SPTBN1: variants seen among roughly 807,000 people sequenced by gnomAD.
SPTBN1 encodes spectrin beta, non-erythrocytic 1.
Under a neutral mutation model 266.4 loss-of-function variants are expected in SPTBN1, and 32 were observed. The ratio of observed to expected loss-of-function variants is 0.12; its 90% confidence interval spans 0.09 to 0.16. The LOEUF (loss-of-function observed/expected upper bound fraction) is 0.16, where lower values mean the gene tolerates loss of function less well. Among genes scored for constraint, SPTBN1 ranks in the 10% least tolerant of loss-of-function variants. The pLI, the probability that SPTBN1 is intolerant of heterozygous loss-of-function variation, is 1.00. For synonymous variants in SPTBN1, 1,336 were observed against 1,162.2 expected (o/e 1.15, Z -3.04); for missense variants, 2,296 against 3,067.1 (o/e 0.75, Z 5.94).
rs142794785 is a variant in SPTBN1, at chr2:54,604,613, T to A, written c.300+5370T>A. Among the ~76,000 whole-genome samples the A allele has an allele frequency of 1.6e-3, 241 of 152,314 alleles. 1 individual carries two copies. The highest frequency in any genetic ancestry group is 3.5e-3 in the Admixed American group (54 of 15,302). On this transcript the variant is annotated intron_variant, in intron 3 of 35. Transcript: ENST00000356805. ...CTTAGGCAGGGCCTGGACTGGACTC[T>A]AATAAGCAATTAGAATTATGTTGTC...
rs990103344 is a variant in SPTBN1 at position 54,597,820 on chromosome 2, C to T, written c.149-1272C>T. 3.3e-5 allele frequency among the ~76,000 whole-genome samples: 5 copies of T among 151,248 alleles called. No homozygotes were observed. The South Asian group carries it at 8.3e-4, about 25-fold the overall frequency. On this transcript the variant is annotated intron_variant, in intron 2 of 35. Transcript: ENST00000356805. ...CAAGGGTGGCTTTTTAGTTGTTACC[C>T]CCACCCAGTGGTTTTGAAATACATG...
At chr2:54,518,278 G>A (rs1670227437) in intron 1 of SPTBN1, among the ~76,000 whole-genome samples, 2 of 151,688 alleles carry the variant, frequency 1.3e-5, no homozygotes, top group Admixed American at 1.3e-4. Flanking sequence ...CACAGGGCGG[G>A]GAACATCACA....
Position 54,649,470 on chromosome 2 carries a change from G to A in SPTBN1, c.5203-145G>A, listed in dbSNP as rs770165587. On this transcript the variant is annotated intron_variant, in intron 25 of 35. Coordinates refer to ENST00000356805, the MANE Select transcript of SPTBN1 (RefSeq NM_003128.3). The surrounding 1 kb of genome is among the most constrained non-coding windows in gnomAD (Gnocchi z 6.7). ...GAAACCCAGTTGCTAAGAGGTTCTCGAGCTAAGATCTATTGTTCTGAAGTC... is the reference window on the plus strand; with the variant it reads ...GAAACCCAGTTGCTAAGAGGTTCTCAAGCTAAGATCTATTGTTCTGAAGTC... The A allele has an allele frequency of 1.5e-5, 20 of 1,317,970 alleles. No individual in the cohort carries two copies. The highest frequency in any genetic ancestry group is 4.5e-5 in the African/African-American group (3 of 67,114). 81.6% of individuals were successfully genotyped at this position (1,317,970 alleles called of 1,614,324 possible).
intron 2 of SPTBN1, among the ~76,000 whole-genome samples, chr2:54,555,617 A>G (rs1043962287): frequency 2.0e-5 from 3 of 152,120 alleles, no homozygotes; most frequent in African/African-American, 7.2e-5. Context: ...AATCATCTCT[A>G]GAGTCCAGCC....
chr2:54,599,942 A>T (rs4444573), intron 3 of SPTBN1, among the ~76,000 whole-genome samples: 2 of 152,104 alleles, frequency 1.3e-5, no homozygotes, highest in African/African-American at 2.4e-5. Context: ...GTTTTGTCTC[A>T]CCTTGGTTTG....
chr2:54,505,952 A>G (rs1410177488), intron 1 of SPTBN1, among the ~76,000 whole-genome samples: 4 of 151,754 alleles, frequency 2.6e-5, no homozygotes, highest in Non-Finnish European at 5.9e-5. Flanking sequence ...GTGAAACCCC[A>G]TCTCTACTAA....
intron 2 of SPTBN1, among the ~76,000 whole-genome samples, chr2:54,563,590 A>ATT (rs1673465104): frequency 1.2e-5 from 1 of 84,848 alleles, no homozygotes; most frequent in African/African-American, 4.4e-5. Flanking sequence ...AAGAAAATTT[A>ATT]TTCTTTTTTT....
Position 54,629,163 on chromosome 2 carries a change from C to T in SPTBN1, c.2029C>T (p.Leu677Phe). The change falls in exon 14 of 36, where the codon CTC becomes TTC. Residue 677 changes from leucine (L) to phenylalanine (F), a missense_variant. Coordinates refer to ENST00000356805, the MANE Select transcript of SPTBN1 (RefSeq NM_003128.3). ...GKDLTSVMRL[L>F]SKHRAFEDEM... The stretch of plus-strand genomic sequence containing the variant: ...AGACCTGACCAGCGTCATGCGCCTG[C>T]TCAGCAAGCACCGGGCGTTCGAGGA... 6.2e-7 allele frequency: 1 copy of T among 1,613,614 alleles called. No individual in the cohort carries two copies. Among genetic ancestry groups the T allele is most frequent in the Non-Finnish European group, 8.5e-7 (1 of 1,179,926 alleles).
chr2:54,518,567 T>G (rs1670251152), intron 1 of SPTBN1, among the ~76,000 whole-genome samples: 1 of 152,126 alleles, frequency 6.6e-6, no homozygotes, highest in Admixed American at 6.5e-5. Flanking sequence ...TTTGGTGCCT[T>G]CAGAGTCCTT....
intron 1 of SPTBN1, among the ~76,000 whole-genome samples, chr2:54,489,941 G>A (rs865917749): frequency 2.6e-5 from 4 of 152,176 alleles, no homozygotes; most frequent in South Asian, 2.1e-4. Flanking sequence ...AGCCTAAAAT[G>A]TTTGTAATTC....
chr2:54,623,286 A>T (rs1678111567), intron 9 of SPTBN1, among the ~76,000 whole-genome samples, 193 bp from the exon 10 acceptor site: 2 of 152,216 alleles, frequency 1.3e-5, no homozygotes, highest in South Asian at 4.1e-4. Context: ...TCAAATATAA[A>T]TGTCAGCAAC....
chr2:54,574,895 T>G (rs1158747835), intron 2 of SPTBN1, among the ~76,000 whole-genome samples: 2 of 152,180 alleles, frequency 1.3e-5, no homozygotes, highest in Admixed American at 1.3e-4. Context: ...AACATATTAT[T>G]TATCCCTTCA....
intron 1 of SPTBN1, among the ~76,000 whole-genome samples, chr2:54,512,780 G>A (rs999281322): frequency 2.0e-5 from 3 of 152,184 alleles, no homozygotes; most frequent in Non-Finnish European, 4.4e-5. Context: ...GTAGGAAGAA[G>A]CACTATGTTT....
At chr2:54,503,054 C>T (rs2104134444) in intron 1 of SPTBN1, among the ~76,000 whole-genome samples, 1 of 152,334 alleles carries the variant, frequency 6.6e-6, no homozygotes, top group Middle Eastern at 3.4e-3. Flanking sequence ...GATTTTACAA[C>T]TGGGTACATT....
At chr2:54,517,645 T>G (rs1013300259) in intron 1 of SPTBN1, among the ~76,000 whole-genome samples, 1 of 144,260 alleles carries the variant, frequency 6.9e-6, no homozygotes. Context: ...CTATGGTGCC[T>G]TTTTTTTTTT....
At chr2:54,542,121 G>A (rs1671973702) in intron 2 of SPTBN1, among the ~76,000 whole-genome samples, 1 of 152,234 alleles carries the variant, frequency 6.6e-6, no homozygotes, top group Non-Finnish European at 1.5e-5. Flanking sequence ...TAAAATATTT[G>A]AGTACTTAAC....
At chr2:54,532,774 A>C (rs933879829) in intron 2 of SPTBN1, among the ~76,000 whole-genome samples, 5 of 152,234 alleles carry the variant, frequency 3.3e-5, no homozygotes, top group Non-Finnish European at 1.5e-5. Flanking sequence ...ATTTGAAGTA[A>C]AAAGAAAACA....
At chr2:54,654,203 G>A (rs534663982) in intron 27 of SPTBN1, among the ~76,000 whole-genome samples, 22 of 152,260 alleles carry the variant, frequency 1.4e-4, no homozygotes, top group Admixed American at 7.2e-4. Flanking sequence ...TAACTGCCCC[G>A]TCTTTGCAAT....
At chr2:54,570,762 T>G (rs1224695680) in intron 2 of SPTBN1, among the ~76,000 whole-genome samples, 2 of 152,222 alleles carry the variant, frequency 1.3e-5, no homozygotes, top group African/African-American at 4.8e-5. Flanking sequence ...GAATTATGTT[T>G]CTTAAGTAAG....
Sources: gnomAD v4.1 joint callset for allele counts (sites outside exome capture counted in the v4.1 genomes callset) on GRCh38, gnomAD v4.1.1 for gene constraint, Gnocchi (gnomAD v3.1) non-coding constraint, MANE v1.5 for transcripts, NCBI Gene and HGNC (gene_info 2026-07-23, HGNC 2026-07-21) for gene names.